Variants in TOM1L2 observed in about 807,000 individuals in gnomAD.
The protein encoded by TOM1L2 is TOM1-like protein 2.
A neutral mutation model predicts 67.9 loss-of-function variants in TOM1L2; 31 were observed. The ratio of observed to expected loss-of-function variants is 0.46; its 90% CI spans 0.34 to 0.62. The LOEUF is 0.62. Ranked by LOEUF, TOM1L2 falls within the 20% of genes least tolerant of loss-of-function variation. The pLI is 0.01. For missense variants in TOM1L2, 606 were observed against 663.5 expected (o/e 0.91, Z 0.95); for synonymous variants, 256 against 254.0 (o/e 1.01, Z -0.07).
At chr17:17,879,407 G>A (rs200890228) in intron 7 of TOM1L2, among the ~76,000 whole-genome samples, 3 of 151,834 alleles carry the variant, frequency 2.0e-5, no homozygotes, top group African/African-American at 7.3e-5. Flanking sequence ...TTATAATCAG[G>A]AAAAAAATGT....
chr17:17,884,796 G>A, intron 4 of TOM1L2, 28 bp from the exon 5 acceptor site: 1 of 1,612,082 alleles, frequency 6.2e-7, no homozygotes, highest in Non-Finnish European at 8.5e-7. Flanking sequence ...CTGTTAGGAA[G>A]CATTTCTCAG....
At chr17:17,862,308 T>G (rs1181369075) in intron 11 of TOM1L2, 2 of 158,242 alleles carry the variant, frequency 1.3e-5, no homozygotes, top group Non-Finnish European at 2.8e-5. Context: ...GAGGAGCCTC[T>G]GCTCTGACCA....
At chr17:17,952,819 T>C (rs902179812) in intron 1 of TOM1L2, among the ~76,000 whole-genome samples, 2 of 151,984 alleles carry the variant, frequency 1.3e-5, no homozygotes, top group African/African-American at 2.4e-5. Context: ...GCCTCTGGGG[T>C]AGAGGAACAC....
chr17:17,853,024 G>A (rs1257552244), intron 12 of TOM1L2, among the ~76,000 whole-genome samples: 1 of 152,190 alleles, frequency 6.6e-6, no homozygotes, highest in Non-Finnish European at 1.5e-5. Context: ...GCCTAAGGCT[G>A]GCACTTCCTT....
intron 1 of TOM1L2, 80 bp from the exon 2 acceptor site, chr17:17,907,611 C>A: frequency 5.7e-6 from 7 of 1,236,376 alleles, no homozygotes; most frequent in Non-Finnish European, 8.1e-6. Flanking sequence ...GAGACCAGAA[C>A]CACCACATTC....
At chr17:17,971,185 G>T (rs535307731) in intron 1 of TOM1L2, among the ~76,000 whole-genome samples, 6 of 152,234 alleles carry the variant, frequency 3.9e-5, no homozygotes, top group African/African-American at 1.2e-4. Context: ...AATATGAGGT[G>T]GGGGAGGAAG....
At chr17:17,950,871 GA>G (rs1464115756) in intron 1 of TOM1L2, among the ~76,000 whole-genome samples, 5 of 152,208 alleles carry the variant, frequency 3.3e-5, no homozygotes, top group Non-Finnish European at 7.3e-5. Flanking sequence ...CAAGATCTGG[GA>G]AAACCTAGGC....
At chr17:17,959,187 C>T (rs1043454177) in intron 1 of TOM1L2, among the ~76,000 whole-genome samples, 2 of 152,116 alleles carry the variant, frequency 1.3e-5, no homozygotes, top group Non-Finnish European at 2.9e-5. Flanking sequence ...AATTTATAGC[C>T]GGTCATGGGA....
At chr17:17,882,618 G>A in intron 6 of TOM1L2, 87 bp downstream of exon 6, 2 of 1,547,884 alleles carry the variant, frequency 1.3e-6, no homozygotes, top group South Asian at 2.4e-5. Context: ...CACAATACCT[G>A]GCTTGGGAGG....
At chr17:17,869,300 T>G in intron 8 of TOM1L2, 40 bp downstream of exon 8, 1 of 1,583,830 alleles carries the variant, frequency 6.3e-7, no homozygotes, top group Non-Finnish European at 8.6e-7. Context: ...GCAACAATCT[T>G]TTCAAGGGAA....
intron 2 of TOM1L2, among the ~76,000 whole-genome samples, chr17:17,900,874 T>TC (rs2038821146): frequency 6.6e-6 from 1 of 152,218 alleles, no homozygotes; most frequent in Non-Finnish European, 1.5e-5. Flanking sequence ...TGATTTCCTC[T>TC]CTCCAAGGCT....
chr17:17,962,324 A>ATT (rs35022332), intron 1 of TOM1L2, among the ~76,000 whole-genome samples: 25 of 146,382 alleles, frequency 1.7e-4, no homozygotes, highest in African/African-American at 5.8e-4. Flanking sequence ...ATTGTTGCAT[A>ATT]TTTTTTTTTT....
intron 1 of TOM1L2, among the ~76,000 whole-genome samples, chr17:17,945,896 G>C (rs1338691513): frequency 6.6e-6 from 1 of 152,010 alleles, no homozygotes; most frequent in Admixed American, 6.6e-5. Context: ...TTTGAGACAA[G>C]GTCTCAGTGT....
intron 1 of TOM1L2, among the ~76,000 whole-genome samples, chr17:17,937,895 T>C (rs1307880417): frequency 6.6e-6 from 1 of 152,180 alleles, no homozygotes; most frequent in Non-Finnish European, 1.5e-5. Flanking sequence ...CGCATTGGTC[T>C]CCTTCATGTC....
intron 1 of TOM1L2, among the ~76,000 whole-genome samples, chr17:17,939,318 ACTG>A (rs1421193762): frequency 2.0e-5 from 3 of 152,204 alleles, no homozygotes; most frequent in African/African-American, 4.8e-5. Context: ...GTGCCCAGCC[ACTG>A]CCCACAGTCA....
chr17:17,897,877 A>C (rs1233670836), intron 3 of TOM1L2, among the ~76,000 whole-genome samples: 1 of 151,636 alleles, frequency 6.6e-6, no homozygotes, highest in Non-Finnish European at 1.5e-5. Context: ...CAAAAAGTTC[A>C]GCACAGTCCC....
At chr17:17,947,717 T>G (rs1338304629) in intron 1 of TOM1L2, among the ~76,000 whole-genome samples, 1 of 152,214 alleles carries the variant, frequency 6.6e-6, no homozygotes, top group African/African-American at 2.4e-5. Flanking sequence ...AAATAGGACT[T>G]CTATCCTCAT....
At chr17:17,861,613 G>A (rs2036565020) in intron 11 of TOM1L2, 62 bp from the exon 12 acceptor site, 1 of 1,442,902 alleles carries the variant, frequency 6.9e-7, no homozygotes, top group Non-Finnish European at 9.7e-7. Flanking sequence ...GGAGGGATGG[G>A]GTAGTGGCCT....
intron 1 of TOM1L2, among the ~76,000 whole-genome samples, chr17:17,909,346 G>A (rs2039239956): frequency 6.6e-6 from 1 of 152,108 alleles, no homozygotes; most frequent in East Asian, 1.9e-4. Context: ...GGTGTAAACA[G>A]CCTGTGTCCA....
Sources: gnomAD v4.1 joint callset for allele counts (sites outside exome capture counted in the v4.1 genomes callset) on GRCh38, gnomAD v4.1.1 for gene constraint, MANE v1.5 for transcripts, NCBI Gene and HGNC (gene_info 2026-07-23, HGNC 2026-07-21) for gene names.